The following EML5 variants were observed in gnomAD, a reference collection of about 807,000 sequenced individuals.
EML5 encodes EMAP like 5.
EML5 carries 120 observed loss-of-function variants against 250.0 expected under a neutral mutation model. The ratio of observed to expected loss-of-function variants is 0.48; its 90% CI spans 0.41 to 0.56. EML5 has a LOEUF of 0.56. Among genes scored for constraint, EML5 ranks in the 20% least tolerant of loss-of-function variants. The pLI is 0.00. For missense variants in EML5, 2,006 were observed against 2,437.6 expected (o/e 0.82, Z 3.73); for synonymous variants, 771 against 806.5 (o/e 0.96, Z 0.75).
At chr14:88,782,746 C>G (rs2094509715) in intron 1 of EML5, among the ~76,000 whole-genome samples, 2 of 152,328 alleles carry the variant, frequency 1.3e-5, no homozygotes, top group South Asian at 4.1e-4. Context: ...AAGACAAGAA[C>G]TGAGGTTTGG....
At position 88,782,053 on chromosome 14, in the gene EML5, G is replaced by A. The variant is rs189548237; in HGVS notation, c.197+10254C>T. On this transcript the variant is annotated intron_variant, in intron 1 of 43. Transcript: ENST00000554922. The stretch of plus-strand genomic sequence containing the variant: ...ACTTCCTAAAGACTTGGAGGGCTCC[G>A]AAGACAGGAAGATGTGGGAAAGTCT... Among the ~76,000 whole-genome samples the A allele has an allele frequency of 5.9e-5, 9 of 152,304 alleles. No individual in the cohort carries two copies. The East Asian group carries it at 1.4e-3, about 23-fold the overall frequency.
Position 88,726,539 on chromosome 14 carries a change from A to G in EML5, c.1187+2T>C. 1 of 1,603,758 alleles carries G rather than the reference A, an allele frequency of 6.2e-7. No homozygotes were observed. Among genetic ancestry groups the G allele is most frequent in the Non-Finnish European group, 8.5e-7 (1 of 1,174,962 alleles). ...TTATGTGTTTCTACCCTAATACCAT[A>G]CCTTACTCTAAGTACAGTGAATGAG... On this transcript the variant is annotated splice_donor_variant, in intron 8 of 43. Transcript: ENST00000554922. LOFTEE classifies it high-confidence loss of function.
At chr14:88,701,567 G>A (rs907601856) in intron 14 of EML5, among the ~76,000 whole-genome samples, 1 of 152,096 alleles carries the variant, frequency 6.6e-6, no homozygotes, top group African/African-American at 2.4e-5. Context: ...CAAGTAAGGA[G>A]AGGCACAAAG....
At chr14:88,723,704 G>A (rs1482935348) in intron 8 of EML5, among the ~76,000 whole-genome samples, 2 of 152,214 alleles carry the variant, frequency 1.3e-5, no homozygotes, top group Admixed American at 6.5e-5. Context: ...CATGTTGTAC[G>A]TCGTAAATAT....
chr14:88,730,861 C>T (rs1252733231), intron 7 of EML5, among the ~76,000 whole-genome samples: 1 of 152,090 alleles, frequency 6.6e-6, no homozygotes, highest in East Asian at 1.9e-4. Flanking sequence ...GAAATTTACA[C>T]AGATTATGAA....
intron 2 of EML5, among the ~76,000 whole-genome samples, chr14:88,751,544 C>T (rs185899143): frequency 5.6e-4 from 84 of 150,460 alleles, no homozygotes; most frequent in African/African-American, 1.9e-3. Flanking sequence ...TGATAGTGTT[C>T]GAATAAAGAG....
At chr14:88,685,978 G>A (rs576590312) in intron 19 of EML5, among the ~76,000 whole-genome samples, 1 of 152,048 alleles carries the variant, frequency 6.6e-6, no homozygotes, top group African/African-American at 2.4e-5. Flanking sequence ...TCCTAGGGAG[G>A]CTTCAGCAAC....
chr14:88,618,401 G>T, intron 40 of EML5, 70 bp from the exon 41 acceptor site: 1 of 1,346,764 alleles, frequency 7.4e-7, no homozygotes, highest in Non-Finnish European at 1.1e-6. Context: ...GGGGTTTACA[G>T]AATACTAGCA....
intron 18 of EML5, among the ~76,000 whole-genome samples, chr14:88,687,715 T>C (rs1301960819): frequency 3.9e-5 from 6 of 152,064 alleles, no homozygotes; most frequent in African/African-American, 1.5e-4. Context: ...CAGCCGATTT[T>C]TGACACATAG....
rs115698350 is a variant in EML5 at position 88,726,033 on chromosome 14, T to C, written c.1187+508A>G. 1.8e-3 allele frequency among the ~76,000 whole-genome samples: 268 copies of C among 152,366 alleles called. 1 individual carries two copies. The highest frequency in any genetic ancestry group is 6.2e-3 in the African/African-American group (256 of 41,586). Reference sequence around the variant, plus strand: ...TTCTTACTGACTGCATAGAATTCAATTGAATTTATCTATCTATAATTCAAC... The same window carrying C: ...TTCTTACTGACTGCATAGAATTCAACTGAATTTATCTATCTATAATTCAAC... On this transcript the variant is annotated intron_variant, in intron 8 of 43. Coordinates refer to ENST00000554922, the MANE Select transcript of EML5 (RefSeq NM_183387.3).
intron 1 of EML5, among the ~76,000 whole-genome samples, chr14:88,765,559 A>G (rs1485593835): frequency 2.0e-5 from 3 of 152,214 alleles, no homozygotes; most frequent in Non-Finnish European, 4.4e-5. Context: ...GGCTCACATA[A>G]TTAGACTGGG....
intron 29 of EML5, 46 bp from the exon 30 acceptor site, chr14:88,644,557 G>A: frequency 6.4e-7 from 1 of 1,563,972 alleles, no homozygotes; most frequent in South Asian, 1.1e-5. Flanking sequence ...AGCACTCAGT[G>A]CCTTCACTGA....
chr14:88,654,187 T>C (rs2091767273), intron 27 of EML5, among the ~76,000 whole-genome samples: 1 of 152,152 alleles, frequency 6.6e-6, no homozygotes. Context: ...TCTTTATTAG[T>C]CTGGCTAGCA....
intron 18 of EML5, 37 bp from the exon 19 acceptor site, chr14:88,687,364 A>G: frequency 7.1e-7 from 1 of 1,414,548 alleles, no homozygotes; most frequent in Middle Eastern, 1.8e-4. Flanking sequence ...ATAAAGATCT[A>G]AATATTTTTT....
chr14:88,775,496 T>C (rs1429756464), intron 1 of EML5, among the ~76,000 whole-genome samples: 2 of 151,740 alleles, frequency 1.3e-5, no homozygotes, highest in Admixed American at 1.3e-4. Context: ...CCATGGCCTG[T>C]GGTGGCAGGC....
intron 1 of EML5, among the ~76,000 whole-genome samples, chr14:88,767,960 T>C (rs1190452825): frequency 6.6e-6 from 1 of 152,198 alleles, no homozygotes; most frequent in Non-Finnish European, 1.5e-5. Flanking sequence ...GCATTTTAAC[T>C]GTTATTCCTC....
chr14:88,669,496 G>C (rs898154489), intron 21 of EML5, among the ~76,000 whole-genome samples: 2 of 152,190 alleles, frequency 1.3e-5, no homozygotes, highest in East Asian at 3.8e-4. Flanking sequence ...TGCCTCTTTA[G>C]GTCGGACCCT....
chr14:88,706,709 T>C (rs1343470242), intron 10 of EML5, among the ~76,000 whole-genome samples: 6 of 152,210 alleles, frequency 3.9e-5, no homozygotes, highest in Non-Finnish European at 7.3e-5. Flanking sequence ...TTTGAATGTT[T>C]TGGCCTGAGG....
At chr14:88,699,508 C>T (rs745629424) in intron 14 of EML5, among the ~76,000 whole-genome samples, 9 of 152,050 alleles carry the variant, frequency 5.9e-5, no homozygotes, top group Non-Finnish European at 1.2e-4. Flanking sequence ...GCTGTTTAGA[C>T]AGCCTACAGG....
Sources: allele counts gnomAD v4.1 joint callset (sites outside exome capture counted in the v4.1 genomes callset), GRCh38; gene constraint gnomAD v4.1.1; transcripts MANE v1.5; gene names NCBI Gene and HGNC (gene_info 2026-07-23, HGNC 2026-07-21).